The following ZNG1A variants were observed in gnomAD, a reference collection of about 807,000 sequenced individuals.
The protein encoded by ZNG1A is Zn regulated GTPase metalloprotein activator 1A, also known as zinc-regulated GTPase metalloprotein activator 1A.
the ZNG1A span, among the ~76,000 whole-genome samples, chr9:160,542 T>A: frequency 1.3e-5 from 2 of 151,688 alleles, no homozygotes; most frequent in African/African-American, 4.8e-5. Context: ...AGAGGTTTTA[T>A]CAAGGTAGCA....
chr9:170,168 T>G, the ZNG1A span, among the ~76,000 whole-genome samples: 7 of 148,876 alleles, frequency 4.7e-5, no homozygotes, highest in African/African-American at 1.8e-4. Context: ...AAGGGCTTAT[T>G]AAAAACAGCT....
the ZNG1A span, among the ~76,000 whole-genome samples, chr9:131,202 T>C: frequency 2.1e-5 from 3 of 140,004 alleles, no homozygotes; most frequent in African/African-American, 8.6e-5. Context: ...GTTTTTGTTT[T>C]GAATCTAAAA....
the ZNG1A span, chr9:121,517 T>C: frequency 1.2e-6 from 2 of 1,611,404 alleles, no homozygotes; most frequent in African/African-American, 2.7e-5. Flanking sequence ...TGCTTTTCTG[T>C]TTCTGTCACA....
the ZNG1A span, among the ~76,000 whole-genome samples, chr9:141,018 C>G: frequency 7.2e-6 from 1 of 137,940 alleles, no homozygotes; most frequent in East Asian, 2.3e-4. Flanking sequence ...ACAAACAAAG[C>G]CTCCAAGAAA....
At chr9:147,239 T>G in the ZNG1A span, 1 of 133,680 alleles carries the variant, frequency 7.5e-6, no homozygotes, top group Non-Finnish European at 1.6e-5. Context: ...AAAGCTAAGG[T>G]GAAGAAATAT....
chr9:161,900 T>C, the ZNG1A span, among the ~76,000 whole-genome samples: 13 of 151,692 alleles, frequency 8.6e-5, no homozygotes, highest in African/African-American at 2.9e-4. Flanking sequence ...TTTTCTTCAA[T>C]ATGTACTTTT....
chr9:146,388 T>C, the ZNG1A span: 385 of 389,816 alleles, frequency 9.9e-4, 2 homozygotes, highest in African/African-American at 7.9e-3. Flanking sequence ...CTGAAATTTA[T>C]GAGCTTTTCA....
At chr9:171,075 G>A in the ZNG1A span, among the ~76,000 whole-genome samples, 2 of 151,228 alleles carry the variant, frequency 1.3e-5, no homozygotes, top group South Asian at 2.1e-4. Flanking sequence ...ATTAGTCCAA[G>A]TCCTATCATC....
the ZNG1A span, among the ~76,000 whole-genome samples, chr9:174,690 T>C: frequency 6.6e-6 from 1 of 151,042 alleles, no homozygotes; most frequent in Non-Finnish European, 1.5e-5. Flanking sequence ...TCATAAAACC[T>C]AGCTCTTTTA....
the ZNG1A span, among the ~76,000 whole-genome samples, chr9:139,067 C>T: frequency 0.012 from 1,746 of 147,082 alleles, 34 homozygotes; most frequent in African/African-American, 0.045. Flanking sequence ...ACGAGACTTA[C>T]GAGATATTCA....
the ZNG1A span, chr9:134,839 C>A: frequency 1.6e-6 from 1 of 637,930 alleles, no homozygotes; most frequent in African/African-American, 2.0e-5. Flanking sequence ...ATTTAAGATT[C>A]CAAAAATTAT....
At chr9:121,446 T>G in the ZNG1A span, 6 of 1,602,250 alleles carry the variant, frequency 3.7e-6, no homozygotes, top group East Asian at 1.3e-4. Context: ...CCAATCCTTT[T>G]GATAAGAAAT....
chr9:132,267 T>C, the ZNG1A span, among the ~76,000 whole-genome samples: 3 of 148,936 alleles, frequency 2.0e-5, no homozygotes, highest in Non-Finnish European at 4.4e-5. Flanking sequence ...CTCACGCCTG[T>C]AATCCCAGCA....
chr9:143,733 T>C, the ZNG1A span, among the ~76,000 whole-genome samples: 1 of 120,518 alleles, frequency 8.3e-6, no homozygotes, highest in Non-Finnish European at 1.6e-5. Flanking sequence ...GGTACTCAAT[T>C]AGGAAAAGAG....
the ZNG1A span, among the ~76,000 whole-genome samples, chr9:178,304 A>T: frequency 1.3e-5 from 2 of 151,964 alleles, no homozygotes; most frequent in Non-Finnish European, 2.9e-5. Flanking sequence ...CCTCAAAAAA[A>T]AAGTGTTTAA....
At chr9:127,078 G>C in the ZNG1A span, among the ~76,000 whole-genome samples, 1 of 152,028 alleles carries the variant, frequency 6.6e-6, no homozygotes, top group East Asian at 1.9e-4. Context: ...AAAATTTATT[G>C]AGGCTCATTT....
the ZNG1A span, among the ~76,000 whole-genome samples, chr9:163,353 A>G: frequency 5.9e-5 from 9 of 151,826 alleles, no homozygotes; most frequent in African/African-American, 2.2e-4. Flanking sequence ...GATTAAAATA[A>G]AAGGCTCTAA....
chr9:126,760 A>G, the ZNG1A span, among the ~76,000 whole-genome samples: 1 of 151,054 alleles, frequency 6.6e-6, no homozygotes, highest in South Asian at 2.1e-4. Flanking sequence ...TTGTTTCTCT[A>G]GTTCCTTGAG....
the ZNG1A span, among the ~76,000 whole-genome samples, chr9:178,294 C>T: frequency 4.7e-3 from 713 of 151,718 alleles, 3 homozygotes; most frequent in African/African-American, 0.016. Context: ...TACAAACAGA[C>T]CTCAAAAAAA....
Sources: gnomAD v4.1 joint callset for allele counts (sites outside exome capture counted in the v4.1 genomes callset) on GRCh38, gnomAD v4.1.1 for gene constraint, MANE v1.5 for transcripts, NCBI Gene and HGNC (gene_info 2026-07-23, HGNC 2026-07-21) for gene names.